Variants in LARGE1 observed in about 807,000 individuals in gnomAD.
LARGE1 encodes xylosyl- and glucuronyltransferase LARGE1.
LARGE1 carries 43 observed loss-of-function variants against 87.6 expected under a neutral mutation model. The observed-to-expected ratio is 0.49, with a 90% CI of 0.38 to 0.63. The LOEUF (loss-of-function observed/expected upper bound fraction) is 0.63, where lower values mean the gene tolerates loss of function less well. Ranked by LOEUF, LARGE1 falls within the 30% of genes least tolerant of loss-of-function variation. The pLI, the probability that LARGE1 is intolerant of heterozygous loss-of-function variation, is 0.00. For synonymous variants in LARGE1, 434 were observed against 394.6 expected, an observed-to-expected ratio of 1.10 and a Z score of -1.18; for missense variants, 802 against 1,000.2, an observed-to-expected ratio of 0.80 and a Z score of 2.67.
At chr22:33,363,308 T>A (rs935961558) in intron 9 of LARGE1, among the ~76,000 whole-genome samples, 1 of 149,816 alleles carries the variant, frequency 6.7e-6, no homozygotes, top group Non-Finnish European at 1.5e-5. Context: ...AAAAAGAGGT[T>A]TAATGGAGAA....
At chr22:33,085,750 G>T in the LARGE1 span, among the ~76,000 whole-genome samples, 2 of 152,054 alleles carry the variant, frequency 1.3e-5, no homozygotes, top group Non-Finnish European at 2.9e-5. Flanking sequence ...TCTCATACTG[G>T]TCTTGCTGAG....
chr22:33,443,774 C>T (rs866154156), intron 6 of LARGE1, among the ~76,000 whole-genome samples: 3 of 152,148 alleles, frequency 2.0e-5, no homozygotes, highest in South Asian at 2.1e-4. Flanking sequence ...TTCTTCCTTC[C>T]GTGATCTTTG....
intron 6 of LARGE1, among the ~76,000 whole-genome samples, chr22:33,542,739 A>T (rs2148650931): frequency 6.6e-6 from 1 of 151,846 alleles, no homozygotes; most frequent in East Asian, 1.9e-4. Context: ...TAGACCTGAA[A>T]GAGACACTGG....
chr22:33,401,073 C>T (rs2065911909), intron 7 of LARGE1, among the ~76,000 whole-genome samples: 1 of 152,016 alleles, frequency 6.6e-6, no homozygotes, highest in African/African-American at 2.4e-5. Flanking sequence ...CCCTCGCACA[C>T]TCTCGCATGT....
chr22:33,449,666 A>C (rs1486134654), intron 6 of LARGE1, among the ~76,000 whole-genome samples: 2 of 152,228 alleles, frequency 1.3e-5, no homozygotes, highest in Non-Finnish European at 2.9e-5. Flanking sequence ...ATTCTCATCA[A>C]CTTTGGGTTA....
At chr22:33,357,978 T>TA (rs1324818103) in intron 9 of LARGE1, among the ~76,000 whole-genome samples, 2 of 151,876 alleles carry the variant, frequency 1.3e-5, no homozygotes, top group Non-Finnish European at 2.9e-5. Flanking sequence ...TAGGGTGAGT[T>TA]AAAGAACTCA....
At chr22:33,316,271 T>G (rs1936151302) in intron 10 of LARGE1, 23 bp from the exon 11 acceptor site, 2 of 1,611,700 alleles carry the variant, frequency 1.2e-6, no homozygotes, top group Non-Finnish European at 1.7e-6. Context: ...AGAGAGGGCT[T>G]GGGCACGTGA....
Position 33,718,139 on chromosome 22 carries a change from G to C in LARGE1, c.106+43232C>G, listed in dbSNP as rs141054957. Among the ~76,000 whole-genome samples, 280 of 152,274 alleles carry C rather than the reference G, an allele frequency of 1.8e-3. 1 individual carries two copies. The highest frequency in any genetic ancestry group is 0.017 in the South Asian group (84 of 4,806). ...TCTCTTCAAGCACACCAAATATGCC[G>C]TTATTTACTGTCACCTGAGGTTCCC... On this transcript the variant is annotated intron_variant, in intron 2 of 14. Coordinates refer to ENST00000397394, the MANE Select transcript of LARGE1 (RefSeq NM_133642.5).
intron 9 of LARGE1, among the ~76,000 whole-genome samples, chr22:33,379,266 T>C (rs9609773): frequency 3.0e-4 from 31 of 104,670 alleles, no homozygotes; most frequent in East Asian, 2.8e-3. Context: ...TTCTTTCTTT[T>C]TTTTTTTTTT....
chr22:33,591,487 T>C (rs1350915367), intron 5 of LARGE1, among the ~76,000 whole-genome samples: 2 of 152,210 alleles, frequency 1.3e-5, no homozygotes, highest in Non-Finnish European at 2.9e-5. Flanking sequence ...AATATGTTGC[T>C]CATTTCTAAA....
rs779044221 is a variant in LARGE1, at chr22:33,769,936, C to CT, written c.-82-8379dup. Among the ~76,000 whole-genome samples, 103 of 152,028 alleles carry CT rather than the reference C, an allele frequency of 6.8e-4. 1 individual carries two copies. Among genetic ancestry groups the CT allele is most frequent in the Non-Finnish European group, 1.0e-3 (69 of 68,018 alleles). ...GCAACTACTGGTCACAGCTCTCATTCTTTTTTTTAGGCCAACAGGTTATAG... is the reference window on the plus strand; with the variant it reads ...GCAACTACTGGTCACAGCTCTCATTCTTTTTTTTTAGGCCAACAGGTTATAG... On this transcript the variant is annotated intron_variant, in intron 1 of 14. Transcript: ENST00000397394.
At chr22:33,883,817 G>A (rs890098654) in intron 1 of LARGE1, among the ~76,000 whole-genome samples, 2 of 151,954 alleles carry the variant, frequency 1.3e-5, no homozygotes, top group Non-Finnish European at 2.9e-5. Context: ...CCTTAAAACC[G>A]CAAACCCTAA....
intron 11 of LARGE1, among the ~76,000 whole-genome samples, chr22:33,216,572 T>C (rs1455762655): frequency 7.2e-6 from 1 of 138,234 alleles, no homozygotes; most frequent in East Asian, 2.1e-4. Flanking sequence ...GAGCTTGCAG[T>C]GGGCGACAGC....
chr22:33,161,303 C>G (rs1922015562), downstream of LARGE1, among the ~76,000 whole-genome samples: 1 of 152,094 alleles, frequency 6.6e-6, no homozygotes, highest in Non-Finnish European at 1.5e-5. Context: ...GGTGGGGATA[C>G]AGAGCCAAGC....
chr22:33,208,585 T>A (rs1279893270), intron 11 of LARGE1, among the ~76,000 whole-genome samples: 2 of 151,568 alleles, frequency 1.3e-5, no homozygotes, highest in Non-Finnish European at 2.9e-5. Flanking sequence ...TTTTTTTTTT[T>A]ATTATACTTT....
At chr22:33,227,540 G>C (rs1339561677) in intron 11 of LARGE1, among the ~76,000 whole-genome samples, 1 of 152,134 alleles carries the variant, frequency 6.6e-6, no homozygotes, top group East Asian at 1.9e-4. Flanking sequence ...GGGAAACTGA[G>C]GTACAGGAAG....
intron 1 of LARGE1, among the ~76,000 whole-genome samples, chr22:33,793,278 A>G (rs1047163175): frequency 7.9e-5 from 12 of 152,132 alleles, no homozygotes; most frequent in Non-Finnish European, 1.8e-4. Context: ...GCTGGAGGAG[A>G]AAAGGAAACA....
intron 1 of LARGE1, among the ~76,000 whole-genome samples, chr22:33,822,710 T>C (rs1403000957): frequency 6.6e-6 from 1 of 151,944 alleles, no homozygotes; most frequent in Non-Finnish European, 1.5e-5. Flanking sequence ...AAAAGTAATA[T>C]GAATTAAAAG....
chr22:33,591,115 C>T (rs749271129), intron 5 of LARGE1, among the ~76,000 whole-genome samples: 1 of 152,192 alleles, frequency 6.6e-6, no homozygotes. Flanking sequence ...GCAGAAGAAT[C>T]GCTTGAACCC....
Sources: allele counts gnomAD v4.1 joint callset (sites outside exome capture counted in the v4.1 genomes callset), GRCh38; gene constraint gnomAD v4.1.1; transcripts MANE v1.5; gene names NCBI Gene and HGNC (gene_info 2026-07-23, HGNC 2026-07-21).